Variants in LRMDA observed in about 807,000 individuals in gnomAD.
The protein encoded by LRMDA is leucine-rich melanocyte differentiation-associated protein.
A neutral mutation model predicts 29.8 loss-of-function variants in LRMDA; 18 were observed. The observed-to-expected ratio is 0.60, with a 90% CI of 0.42 to 0.90. The LOEUF (loss-of-function observed/expected upper bound fraction) is 0.90. Among genes scored for constraint, LRMDA ranks in the 40% least tolerant of loss-of-function variants. LRMDA has a pLI of 0.00. For synonymous variants in LRMDA, 125 were observed against 109.4 expected, an observed-to-expected ratio of 1.14 and a Z score of -0.89; for missense variants, 273 against 273.9, an observed-to-expected ratio of 1.00 and a Z score of 0.02.
chr10:76,440,163 G>A (rs533811511), intron 6 of LRMDA, among the ~76,000 whole-genome samples: 1 of 152,304 alleles, frequency 6.6e-6, no homozygotes, highest in African/African-American at 2.4e-5. Flanking sequence ...GGTATGGGAG[G>A]CAATGAGGGC....
intron 2 of LRMDA, among the ~76,000 whole-genome samples, chr10:75,885,515 G>A (rs1338639755): frequency 1.3e-5 from 2 of 152,176 alleles, no homozygotes; most frequent in Non-Finnish European, 2.9e-5. Flanking sequence ...AGAAGCTCCT[G>A]GTGTAGCTGA....
intron 2 of LRMDA, among the ~76,000 whole-genome samples, chr10:75,810,884 T>C (rs1843947276): frequency 6.6e-6 from 1 of 152,180 alleles, no homozygotes; most frequent in South Asian, 2.1e-4. Flanking sequence ...GTTTAAAACT[T>C]GCAAACATCC....
intron 2 of LRMDA, among the ~76,000 whole-genome samples, chr10:75,819,689 T>C (rs1844123450): frequency 2.0e-5 from 3 of 152,096 alleles, no homozygotes; most frequent in South Asian, 4.1e-4. Context: ...TGTTGGAACT[T>C]GGGATAGGTC....
intron 3 of LRMDA, among the ~76,000 whole-genome samples, chr10:76,040,543 G>A (rs1187773456): frequency 6.6e-6 from 1 of 151,666 alleles, no homozygotes; most frequent in Non-Finnish European, 1.5e-5. Flanking sequence ...CTATGGACTT[G>A]AACCCCTTCC....
intron 6 of LRMDA, among the ~76,000 whole-genome samples, chr10:76,428,909 T>C (rs1249199475): frequency 1.3e-5 from 2 of 152,140 alleles, no homozygotes; most frequent in African/African-American, 4.8e-5. Flanking sequence ...TACTCTGTTA[T>C]CATGTTGACC....
chr10:75,635,690 G>C (rs1355829398), intron 2 of LRMDA, among the ~76,000 whole-genome samples: 1 of 152,100 alleles, frequency 6.6e-6, no homozygotes, highest in Non-Finnish European at 1.5e-5. Context: ...GGTCGTTATT[G>C]ACATTTAAAA....
At chr10:76,416,348 GAAATTA>G (rs879427905) in intron 6 of LRMDA, among the ~76,000 whole-genome samples, 1 of 152,150 alleles carries the variant, frequency 6.6e-6, no homozygotes, top group Non-Finnish European at 1.5e-5. Context: ...AGATTTTAAA[GAAATTA>G]AAATTAACAC....
rs74147192 is a variant in LRMDA at position 75,705,644 on chromosome 10, A to G, written c.131+267150A>G. On this transcript the variant is annotated intron_variant, in intron 2 of 6. Coordinates refer to ENST00000611255, the MANE Select transcript of LRMDA (RefSeq NM_001305581.2). ...AGGCTAGAGCCGTGCGTGAGCGATGATGATGAGTAGGTGGTGATGTGTGGG... is the reference window on the plus strand; with the variant it reads ...AGGCTAGAGCCGTGCGTGAGCGATGGTGATGAGTAGGTGGTGATGTGTGGG... 4.9e-3 allele frequency among the ~76,000 whole-genome samples: 739 copies of G among 152,308 alleles called. 5 individuals are homozygous for G. Among genetic ancestry groups the G allele is most frequent in the African/African-American group, 0.017 (695 of 41,562 alleles).
At chr10:75,886,935 A>G (rs567714384) in intron 2 of LRMDA, among the ~76,000 whole-genome samples, 1 of 152,234 alleles carries the variant, frequency 6.6e-6, no homozygotes, top group East Asian at 1.9e-4. Context: ...TTTATCCTGA[A>G]GTTTAATAAA....
intron 5 of LRMDA, among the ~76,000 whole-genome samples, chr10:76,313,770 A>G (rs749223271): frequency 1.8e-4 from 28 of 152,126 alleles, no homozygotes; most frequent in Non-Finnish European, 4.1e-4. Flanking sequence ...GTAAATAACA[A>G]TTGAATATAT....
intron 2 of LRMDA, among the ~76,000 whole-genome samples, chr10:75,643,547 A>G (rs1014323159): frequency 2.6e-5 from 4 of 152,098 alleles, no homozygotes; most frequent in African/African-American, 9.7e-5. Context: ...GACTTAGTCT[A>G]CCTCCAGATA....
chr10:76,215,790 T>C lies in LRMDA; in HGVS notation c.517-108611T>C, dbSNP rs553090421. ...ATGGGTGTAAGTGAGAATAGATTGA[T>C]AAAATGTGGTGGATACCATGGACTA... On this transcript the variant is annotated intron_variant, in intron 5 of 6. Coordinates refer to ENST00000611255, the MANE Select transcript of LRMDA (RefSeq NM_001305581.2). Among the ~76,000 whole-genome samples the C allele has an allele frequency of 9.5e-4, 145 of 152,300 alleles. 2 individuals are homozygous for C. The highest frequency in any genetic ancestry group is 3.1e-3 in the African/African-American group (127 of 41,572).
chr10:75,490,230 TA>T (rs1258357777), intron 2 of LRMDA, among the ~76,000 whole-genome samples: 1 of 152,162 alleles, frequency 6.6e-6, no homozygotes, highest in African/African-American at 2.4e-5. Context: ...TGAACACATA[TA>T]ATTAACTAAA....
rs1843586485 is a variant in LRMDA, at chr10:76,558,520, A to G, written c.*1232A>G. 1 of 152,218 alleles carries G rather than the reference A, an allele frequency of 6.6e-6. No homozygotes were observed. The highest frequency in any genetic ancestry group is 2.4e-5 in the African/African-American group (1 of 41,446). The allele number at this position is 152,218 out of a possible 1,614,324, so 9.4% of individuals were successfully genotyped here. A position where few individuals can be genotyped will look rare whatever the true frequency, so the allele number is the denominator to read the frequency against. The stretch of plus-strand genomic sequence containing the variant: ...GCTGGTGCACCAGTCAAATCACTCT[A>G]GAAGATGTTCAAAAGGTTGATTGAT... On this transcript the variant is annotated 3_prime_UTR_variant, in exon 7 of 7. Transcript: ENST00000611255.
intron 2 of LRMDA, among the ~76,000 whole-genome samples, chr10:75,787,372 A>G (rs1359238701): frequency 3.3e-5 from 5 of 152,144 alleles, no homozygotes; most frequent in Admixed American, 2.0e-4. Flanking sequence ...ATCACGTTTC[A>G]TCAGTGAAAC....
At chr10:76,408,490 G>A (rs1841925391) in intron 6 of LRMDA, among the ~76,000 whole-genome samples, 1 of 152,098 alleles carries the variant, frequency 6.6e-6, no homozygotes, top group African/African-American at 2.4e-5. Flanking sequence ...TATGCACATG[G>A]TTCTAGAAAT....
intron 2 of LRMDA, among the ~76,000 whole-genome samples, chr10:75,918,687 G>T (rs1845975333): frequency 6.6e-6 from 1 of 152,218 alleles, no homozygotes; most frequent in Non-Finnish European, 1.5e-5. Context: ...AGAAGCAGAT[G>T]TCTTGAACTG....
intron 5 of LRMDA, among the ~76,000 whole-genome samples, chr10:76,316,860 A>G (rs529089924): frequency 6.6e-6 from 1 of 152,368 alleles, no homozygotes; most frequent in African/African-American, 2.4e-5. Context: ...TTGTTTGTAG[A>G]TAGGATATTC....
intron 6 of LRMDA, among the ~76,000 whole-genome samples, chr10:76,345,467 T>G (rs1841095473): frequency 1.4e-5 from 2 of 148,144 alleles, no homozygotes; most frequent in South Asian, 4.2e-4. Context: ...GATATATATT[T>G]ATTTTATATA....
Sources: gnomAD v4.1 joint callset for allele counts (sites outside exome capture counted in the v4.1 genomes callset) on GRCh38, gnomAD v4.1.1 for gene constraint, MANE v1.5 for transcripts, NCBI Gene and HGNC (gene_info 2026-07-23, HGNC 2026-07-21) for gene names.